The following NEBL variants were observed in gnomAD, a reference collection of about 807,000 sequenced individuals.
NEBL encodes the protein LIM and SH3 protein 2.
In NEBL, 122 loss-of-function variants were observed where a neutral mutation model predicts 140.2. That is an observed-to-expected ratio of 0.87 (90% confidence interval 0.75 to 1.01). The LOEUF is 1.01. Among genes scored for constraint, NEBL ranks in the 50% least tolerant of loss-of-function variants. The pLI is 0.00. For synonymous variants in NEBL, 436 were observed against 398.9 expected (o/e 1.09, Z -1.11); for missense variants, 1,365 against 1,231.3 (o/e 1.11, Z -1.62).
intron 2 of NEBL, among the ~76,000 whole-genome samples, chr10:21,100,895 T>C (rs1301277859): frequency 2.0e-5 from 3 of 152,256 alleles, no homozygotes; most frequent in Non-Finnish European, 2.9e-5. Context: ...TTTCCTGTGA[T>C]TGGTCTCAGA....
chr10:20,833,206 G>A, intron 14 of NEBL, among the ~76,000 whole-genome samples: 1 of 152,086 alleles, frequency 6.6e-6, no homozygotes, highest in East Asian at 1.9e-4. Flanking sequence ...TTCCAAGAGG[G>A]CAAACCCTAA....
intron 1 of NEBL, among the ~76,000 whole-genome samples, chr10:21,288,279 C>T (rs1013773840): frequency 2.0e-5 from 3 of 151,874 alleles, no homozygotes; most frequent in Non-Finnish European, 4.4e-5. Flanking sequence ...ACCAGCCTGG[C>T]CAACATAATG....
At chr10:20,794,813 C>T (rs1353052121) in intron 26 of NEBL, among the ~76,000 whole-genome samples, 3 of 152,200 alleles carry the variant, frequency 2.0e-5, no homozygotes, top group Non-Finnish European at 2.9e-5. Flanking sequence ...TTTTCAGGAA[C>T]ATCCTTAGTC....
In NEBL at chr10:20,934,409, CATT is replaced by C. The variant is rs1163024707; in HGVS notation, c.357+27260_357+27262del. ...TTACTAATGTGCACTAACGCAGACT[CATT>C]AGTCATTCTCCTTGCCACACCACTC... On this transcript the variant is annotated intron_variant, in intron 4 of 6. Transcript: ENST00000417816. 5.3e-5 allele frequency among the ~76,000 whole-genome samples: 8 copies of C among 152,180 alleles called. No homozygotes were observed. The East Asian group carries it at 1.5e-3, about 29-fold the overall frequency.
At chr10:20,863,248 G>C (rs1843913920) in intron 7 of NEBL, among the ~76,000 whole-genome samples, 1 of 152,026 alleles carries the variant, frequency 6.6e-6, no homozygotes, top group African/African-American at 2.4e-5. Context: ...AGTCTAACAC[G>C]CAAACCCAAA....
intron 3 of NEBL, among the ~76,000 whole-genome samples, chr10:21,188,306 T>C (rs1485066262): frequency 6.6e-6 from 1 of 152,228 alleles, no homozygotes; most frequent in Non-Finnish European, 1.5e-5. Context: ...ACACTTTTTA[T>C]GGCTTATGTT....
chr10:21,013,090 G>A (rs1031747437), intron 3 of NEBL, among the ~76,000 whole-genome samples: 5 of 152,154 alleles, frequency 3.3e-5, no homozygotes, highest in African/African-American at 1.2e-4. Flanking sequence ...GGGGCGTGGG[G>A]GCAGGGTGGG....
intron 2 of NEBL, among the ~76,000 whole-genome samples, chr10:21,122,033 G>T (rs1838600396): frequency 6.7e-6 from 1 of 148,816 alleles, no homozygotes; most frequent in South Asian, 2.1e-4. Flanking sequence ...TGTTGTTGTT[G>T]TTGTTGTTTT....
chr10:21,016,164 G>C (rs1422607291), intron 3 of NEBL, among the ~76,000 whole-genome samples: 1 of 152,232 alleles, frequency 6.6e-6, no homozygotes, highest in Non-Finnish European at 1.5e-5. Flanking sequence ...CTATAAAAGG[G>C]CTTTCCTTCC....
At chr10:20,957,652 A>G (rs1001917807) in intron 4 of NEBL, among the ~76,000 whole-genome samples, 3 of 152,154 alleles carry the variant, frequency 2.0e-5, no homozygotes, top group Non-Finnish European at 4.4e-5. Context: ...ATATACGCAC[A>G]CACAGACAAG....
chr10:21,036,743 T>C (rs536763378), intron 2 of NEBL, among the ~76,000 whole-genome samples: 50 of 152,054 alleles, frequency 3.3e-4, no homozygotes, highest in Admixed American at 2.0e-3. Context: ...CAGGTACAGA[T>C]TTAAGCTTGT....
chr10:21,190,470 C>G (rs1035053298), intron 3 of NEBL, among the ~76,000 whole-genome samples: 1 of 152,048 alleles, frequency 6.6e-6, no homozygotes, highest in Admixed American at 6.6e-5. Context: ...TGCGACAGAG[C>G]GAGACTCTGT....
At chr10:21,085,612 G>A (rs1160822095) in intron 2 of NEBL, among the ~76,000 whole-genome samples, 1 of 152,212 alleles carries the variant, frequency 6.6e-6, no homozygotes, top group Admixed American at 6.5e-5. Flanking sequence ...TCCAGCCTCA[G>A]CGACGGAGTA....
intron 2 of NEBL, among the ~76,000 whole-genome samples, chr10:21,096,031 T>C (rs1349399250): frequency 6.6e-6 from 1 of 152,196 alleles, no homozygotes; most frequent in Non-Finnish European, 1.5e-5. Flanking sequence ...TTACACACAA[T>C]AGTGATGCTG....
At chr10:21,045,783 C>T (rs1478822031) in intron 2 of NEBL, among the ~76,000 whole-genome samples, 1 of 152,078 alleles carries the variant, frequency 6.6e-6, no homozygotes, top group African/African-American at 2.4e-5. Context: ...TTAGTATAGC[C>T]ATTATGGAAA....
chr10:21,115,991 T>A (rs904615066), intron 2 of NEBL, among the ~76,000 whole-genome samples: 1 of 152,096 alleles, frequency 6.6e-6, no homozygotes, highest in Non-Finnish European at 1.5e-5. Context: ...TATCTTCAAG[T>A]TTACTAATGG....
chr10:20,919,314 T>G (rs1833465238), intron 4 of NEBL, among the ~76,000 whole-genome samples: 1 of 152,214 alleles, frequency 6.6e-6, no homozygotes, highest in Non-Finnish European at 1.5e-5. Flanking sequence ...GATAGGTTTG[T>G]GCAACCTCTG....
chr10:20,863,151 A>G (rs1385009621), intron 7 of NEBL, among the ~76,000 whole-genome samples: 1 of 152,158 alleles, frequency 6.6e-6, no homozygotes, highest in Non-Finnish European at 1.5e-5. Flanking sequence ...TAACTGCACA[A>G]CTTCTCATAT....
intron 19 of NEBL, among the ~76,000 whole-genome samples, chr10:20,820,371 G>A (rs1839176424): frequency 6.6e-6 from 1 of 152,182 alleles, no homozygotes; most frequent in African/African-American, 2.4e-5. Context: ...AAATCAGAAT[G>A]GCAAATGAAC....
Sources: allele counts gnomAD v4.1 joint callset (sites outside exome capture counted in the v4.1 genomes callset), GRCh38; gene constraint gnomAD v4.1.1; transcripts MANE v1.5; gene names NCBI Gene and HGNC (gene_info 2026-07-23, HGNC 2026-07-21).